EDARADD: variants seen among roughly 807,000 people sequenced by gnomAD.
EDARADD encodes EDAR associated via death domain.
In EDARADD, 20 loss-of-function variants were observed where a neutral mutation model predicts 25.6. The ratio of observed to expected loss-of-function variants is 0.78; its 90% CI spans 0.55 to 1.14. EDARADD has a LOEUF of 1.14. Among genes scored for constraint, EDARADD ranks in the 50% most tolerant of loss-of-function variants. The pLI, the probability that EDARADD is intolerant of heterozygous loss-of-function variation, is 0.00. For missense variants in EDARADD, 225 were observed against 270.1 expected, an observed-to-expected ratio of 0.83 and a Z score of 1.17; for synonymous variants, 86 against 94.4, an observed-to-expected ratio of 0.91 and a Z score of 0.52.
At chr1:236,419,284 C>T (rs942169970) in intron 3 of EDARADD, among the ~76,000 whole-genome samples, 9 of 152,070 alleles carry the variant, frequency 5.9e-5, no homozygotes, top group African/African-American at 1.7e-4. Flanking sequence ...GTCCCAGCTA[C>T]GTGGGAGGCT....
chr1:236,457,843 A>G (rs1207058713), intron 4 of EDARADD, among the ~76,000 whole-genome samples: 1 of 148,822 alleles, frequency 6.7e-6, no homozygotes, highest in Non-Finnish European at 1.5e-5. Context: ...AAAAAAAAAA[A>G]TCAGGCCAAA....
intron 3 of EDARADD, among the ~76,000 whole-genome samples, chr1:236,367,103 A>AAAAAG (rs1667119609): frequency 6.7e-6 from 1 of 148,516 alleles, no homozygotes; most frequent in Non-Finnish European, 1.5e-5. Context: ...AAAAAAAAAA[A>AAAAAG]GTAGAGTGTC....
intron 5 of EDARADD, among the ~76,000 whole-genome samples, chr1:236,481,672 G>A (rs1313261525): frequency 2.0e-5 from 3 of 151,424 alleles, no homozygotes; most frequent in Non-Finnish European, 2.9e-5. Context: ...CCAGGTACTC[G>A]GGAAGCTGAG....
In EDARADD at chr1:236,412,156, T is replaced by C. The variant is rs543073703; in HGVS notation, c.121-2104T>C. On this transcript the variant is annotated intron_variant, in intron 2 of 5. Coordinates refer to ENST00000334232, the MANE Select transcript of EDARADD (RefSeq NM_145861.4). ...CTGTGTGGTGCTTCTTAATACGCCA[T>C]GCCCTCTCACCCTCCCAGGGTAGCA... is the stretch of plus-strand genomic sequence containing the variant. Among the ~76,000 whole-genome samples, 18 of 152,252 alleles carry C rather than the reference T, an allele frequency of 1.2e-4. No individual in the cohort carries two copies. The South Asian group carries it at 3.7e-3, about 32-fold the overall frequency.
Position 236,414,275 on chromosome 1 carries a change from A to G in EDARADD, c.136A>G (p.Ile46Val). ...LSFNMSDKYP[I>V]QDTELPKAEE... ...GTTTCTACAGTCAGACAAATATCCC[A>G]TTCAAGATACGGAACTCCCTAAAGG... The change falls in exon 3 of 6, where the codon ATT becomes GTT. Residue 46 changes from isoleucine to valine, a missense_variant. Coordinates refer to ENST00000334232, the MANE Select transcript of EDARADD (RefSeq NM_145861.4). 2 of 1,610,826 alleles carry G rather than the reference A, an allele frequency of 1.2e-6. No individual in the cohort carries two copies. The highest frequency in any genetic ancestry group is 1.7e-6 in the Non-Finnish European group (2 of 1,177,136).
chr1:236,441,387 A>G (rs1658394733), intron 4 of EDARADD, among the ~76,000 whole-genome samples: 1 of 144,720 alleles, frequency 6.9e-6, no homozygotes, highest in African/African-American at 2.5e-5. Context: ...TATTATATAT[A>G]TGAGATATAT....
upstream of EDARADD, among the ~76,000 whole-genome samples, chr1:236,389,804 C>A (rs1156443733): frequency 2.0e-5 from 3 of 152,178 alleles, no homozygotes; most frequent in African/African-American, 7.2e-5. Context: ...GAGTTCGAGA[C>A]CTGCCTAGGT....
At chr1:236,374,526 A>G (rs999288035) in intron 3 of EDARADD, among the ~76,000 whole-genome samples, 1 of 152,116 alleles carries the variant, frequency 6.6e-6, no homozygotes, top group Non-Finnish European at 1.5e-5. Context: ...CCACAATAGT[A>G]GATTCATTTA....
chr1:236,478,891 G>C (rs1659586747), intron 5 of EDARADD, among the ~76,000 whole-genome samples: 1 of 152,076 alleles, frequency 6.6e-6, no homozygotes, highest in South Asian at 2.1e-4. Context: ...CAGCGAGACT[G>C]TTATTCTAAG....
At chr1:236,452,134 T>C (rs1251202314) in intron 4 of EDARADD, among the ~76,000 whole-genome samples, 2 of 152,158 alleles carry the variant, frequency 1.3e-5, no homozygotes, top group East Asian at 3.9e-4. Context: ...AGAATCCAGC[T>C]GGGGAGTGAG....
In EDARADD at chr1:236,482,328, C is replaced by T; in HGVS notation, c.327C>T (p.Ala109=). 6.2e-7 allele frequency: 1 copy of T among 1,614,100 alleles called. No homozygotes were observed. Residue 109 remains alanine (A), a synonymous_variant, in exon 6 of 6, where the codon GCC becomes GCT. Coordinates refer to ENST00000334232, the MANE Select transcript of EDARADD (RefSeq NM_145861.4). ...CTTGTTCCTCCTGCTTGCTCCGGGC[C>T]CCCACCATAAGTGACTTGCTCAATG... ...NCTCSSCLLR[A]PTISDLLNDQ...
intron 1 of EDARADD, among the ~76,000 whole-genome samples, chr1:236,397,475 CAGCCAAA>C (rs1173204666): frequency 1.3e-5 from 2 of 152,066 alleles, no homozygotes; most frequent in Admixed American, 1.3e-4. Flanking sequence ...CTGCCCAGCC[CAGCCAAA>C]ATGGATGTGC....
intron 5 of EDARADD, among the ~76,000 whole-genome samples, chr1:236,469,919 AG>A (rs1329971270): frequency 1.3e-5 from 2 of 152,004 alleles, no homozygotes; most frequent in Non-Finnish European, 2.9e-5. Flanking sequence ...CATGTTGGCC[AG>A]GCTGGTCTCG....
chr1:236,437,895 C>T (rs1200202927), intron 4 of EDARADD, among the ~76,000 whole-genome samples: 1 of 151,958 alleles, frequency 6.6e-6, no homozygotes, highest in African/African-American at 2.4e-5. Context: ...ATCACAGGCA[C>T]CCACCATCAT....
intron 1 of EDARADD, among the ~76,000 whole-genome samples, chr1:236,396,558 A>G (rs1667518461): frequency 6.6e-6 from 1 of 152,108 alleles, no homozygotes; most frequent in Non-Finnish European, 1.5e-5. Flanking sequence ...TGAATGTTCC[A>G]TCCTTAAATT....
At chr1:236,376,290 CTA>C (rs1161282042) in intron 3 of EDARADD, among the ~76,000 whole-genome samples, 3 of 152,112 alleles carry the variant, frequency 2.0e-5, no homozygotes, top group Non-Finnish European at 4.4e-5. Context: ...AGTTTCTGAC[CTA>C]TGTCATTTTC....
chr1:236,367,262 C>T lies in EDARADD; in HGVS notation c.-6+16423C>T, dbSNP rs1343818140. 6.9e-5 allele frequency among the ~76,000 whole-genome samples: 10 copies of T among 145,078 alleles called. No homozygotes were observed. In the Admixed American group the frequency reaches 6.9e-4, roughly 10 times the overall value. On this transcript the variant is annotated intron_variant, in intron 3 of 7. Coordinates refer to the EDARADD transcript ENST00000439430. ...TTATTTTATTTTAGACGGAGTCTCGCTCTGTCACCCAGGCTGAAGTGCAGT... is the reference window on the plus strand; with the variant it reads ...TTATTTTATTTTAGACGGAGTCTCGTTCTGTCACCCAGGCTGAAGTGCAGT...
chr1:236,383,498 G>C (rs1217207199), intron 3 of EDARADD, among the ~76,000 whole-genome samples: 2 of 151,916 alleles, frequency 1.3e-5, no homozygotes, highest in East Asian at 1.9e-4. Context: ...CTGGTGTGCT[G>C]TCTTAAAACC....
chr1:236,409,212 A>G lies in EDARADD; in HGVS notation c.62-4A>G, dbSNP rs1657344551. On this transcript the variant is annotated splice_region_variant and splice_polypyrimidine_tract_variant and intron_variant, in intron 1 of 5. Transcript: ENST00000334232. ...CTATTTGTTTGTTTTTGTTCTTTTT[A>G]CAGATCATATGGTAAAGGAACCAGT... The G allele has an allele frequency of 6.2e-7, 1 of 1,608,764 alleles. No homozygotes were observed. The highest frequency in any genetic ancestry group is 8.5e-7 in the Non-Finnish European group (1 of 1,177,556).
Sources: gnomAD v4.1 joint callset for allele counts (sites outside exome capture counted in the v4.1 genomes callset) on GRCh38, gnomAD v4.1.1 for gene constraint, MANE v1.5 for transcripts, NCBI Gene and HGNC (gene_info 2026-07-23, HGNC 2026-07-21) for gene names.